SH3KBP1: variants seen among roughly 807,000 people sequenced by gnomAD.
The protein encoded by SH3KBP1 is SH3 domain-containing kinase-binding protein 1.
In SH3KBP1, 8 loss-of-function variants were observed where a neutral mutation model predicts 50.1. The observed-to-expected ratio is 0.16, with a 90% CI of 0.09 to 0.29. The LOEUF is 0.29. Among genes scored for constraint, SH3KBP1 ranks in the 10% least tolerant of loss-of-function variants. The pLI, the probability that SH3KBP1 is intolerant of heterozygous loss-of-function variation, is 1.00. For synonymous variants in SH3KBP1, 227 were observed against 218.6 expected (o/e 1.04, Z -0.34); for missense variants, 377 against 535.2 (o/e 0.70, Z 2.92).
intron 6 of SH3KBP1, among the ~76,000 whole-genome samples, chrX:19,647,592 A>C (rs73459648): frequency 0.026 from 2,905 of 111,578 alleles, 95 homozygotes; most frequent in African/African-American, 0.089. Context: ...GTGATGGTGA[A>C]GCTGGTATTA....
chrX:19,818,074 T>C (rs1603262657), intron 2 of SH3KBP1, among the ~76,000 whole-genome samples: 1 of 112,330 alleles, frequency 8.9e-6, no homozygotes, highest in Middle Eastern at 4.6e-3. Context: ...ATCACCTACG[T>C]TTGTATAAGT....
chrX:19,718,139 TACACACACACACAC>T (rs35514461), intron 3 of SH3KBP1, among the ~76,000 whole-genome samples: 6 of 91,093 alleles, frequency 6.6e-5, no homozygotes, highest in Admixed American at 1.2e-4. Flanking sequence ...ATTTTATAAA[TACACACACACACAC>T]ACACACACAC....
intron 1 of SH3KBP1, among the ~76,000 whole-genome samples, chrX:19,856,021 T>C (rs1468340828): frequency 9.0e-6 from 1 of 111,216 alleles, no homozygotes; most frequent in Non-Finnish European, 1.9e-5. Flanking sequence ...TTAGGGTTTC[T>C]GCAGATAGAA....
chrX:19,601,834 C>T (rs1239827971), intron 9 of SH3KBP1, among the ~76,000 whole-genome samples: 1 of 111,123 alleles, frequency 9.0e-6, no homozygotes, highest in Non-Finnish European at 1.9e-5. Flanking sequence ...CCTCTGTACC[C>T]TATAGAGTCC....
intron 3 of SH3KBP1, among the ~76,000 whole-genome samples, chrX:19,742,352 C>T (rs940929300): frequency 1.2e-4 from 13 of 110,972 alleles, no homozygotes; most frequent in Non-Finnish European, 9.4e-5. Context: ...CCTCTCACCT[C>T]AGCCTTCCAG....
At position 19,588,650 on chromosome X, in the gene SH3KBP1, G is replaced by T. The variant is rs374793970; in HGVS notation, c.1291C>A (p.His431Asn). ...RPERPVGPLT[H>N]TRGDSPKIDL... The stretch of plus-strand genomic sequence containing the variant: ...GTGAGAGCACAGCAGTACCTGGTGT[G>T]TGTCAGCGGACCCACCGGTCTCTCC... The change falls in exon 12 of 18, where the codon CAC (histidine) becomes AAC (asparagine). Residue 431 changes from histidine (H) to asparagine (N), a missense_variant. Around this residue, in one of 3 missense-constraint regions of SH3KBP1, gnomAD observed 257 missense variants for 374.2 expected, o/e 0.69. Coordinates refer to ENST00000397821, the MANE Select transcript of SH3KBP1 (RefSeq NM_031892.3). 6 of 1,207,650 alleles carry T rather than the reference G, an allele frequency of 5.0e-6. No individual in the cohort carries two copies. Among genetic ancestry groups the T allele is most frequent in the South Asian group, 1.8e-5 (1 of 56,138 alleles).
intron 2 of SH3KBP1, among the ~76,000 whole-genome samples, chrX:19,806,464 C>G (rs1383974346): frequency 2.7e-5 from 3 of 111,269 alleles, no homozygotes; most frequent in Non-Finnish European, 5.7e-5. Flanking sequence ...TGCACTGAGC[C>G]GAGTTCGCGC....
intron 8 of SH3KBP1, among the ~76,000 whole-genome samples, chrX:19,608,761 G>C (rs775390974): frequency 8.9e-6 from 1 of 112,269 alleles, no homozygotes; most frequent in African/African-American, 3.2e-5. Flanking sequence ...ATTGAAAAAA[G>C]GTTTTGTGAC....
intron 6 of SH3KBP1, among the ~76,000 whole-genome samples, chrX:19,652,201 C>T (rs981796360): frequency 9.0e-6 from 1 of 111,639 alleles, no homozygotes; most frequent in Non-Finnish European, 1.9e-5. Flanking sequence ...GGTGACAGCA[C>T]ATTTGTCTGG....
chrX:19,590,647 CTT>C (rs767767612), intron 11 of SH3KBP1, among the ~76,000 whole-genome samples: 7 of 96,197 alleles, frequency 7.3e-5, no homozygotes, highest in Admixed American at 2.3e-4. Context: ...ACATCACACA[CTT>C]TTTTTTTTTT....
intron 6 of SH3KBP1, among the ~76,000 whole-genome samples, chrX:19,682,333 T>TAC (rs59044973): frequency 0.12 from 8,838 of 75,716 alleles, 415 homozygotes; most frequent in African/African-American, 0.13. Context: ...ATAAGAGTCA[T>TAC]ACACACACAC....
At position 19,803,124 on chromosome X, in the gene SH3KBP1, G is replaced by A. The variant is rs1361535994; in HGVS notation, c.162+33001C>T. Among the ~76,000 whole-genome samples the A allele has an allele frequency of 2.7e-5, 3 of 111,866 alleles. No homozygotes were observed. In the Admixed American group the frequency reaches 2.8e-4, roughly 11 times the overall value. On this transcript the variant is annotated intron_variant, in intron 2 of 17. Transcript: ENST00000397821. The stretch of plus-strand genomic sequence containing the variant: ...ATCACACTTAGCGCTCTGCTTCTCG[G>A]CTCCAACCCTCCCTGACACAGAAGT...
chrX:19,860,519 T>G (rs1397069379), intron 1 of SH3KBP1, among the ~76,000 whole-genome samples: 1 of 111,420 alleles, frequency 9.0e-6, no homozygotes, highest in Non-Finnish European at 1.9e-5. Context: ...TTTAAGATGA[T>G]GAAAAAGTTC....
chrX:19,554,295 A>G lies in SH3KBP1; in HGVS notation c.1385-4212T>C, dbSNP rs776916972. Among the ~76,000 whole-genome samples, 371 of 89,086 alleles carry G rather than the reference A, an allele frequency of 4.2e-3. 3 individuals carry two copies. The highest frequency in any genetic ancestry group is 6.3e-3 in the Non-Finnish European group (307 of 48,473). 77.4% of individuals were successfully genotyped at this position (89,086 alleles called of 115,157 possible). ...AATATATATCATATTAAAATATATT[A>G]TATATCATATTAAAATATACATCAT... On this transcript the variant is annotated intron_variant, in intron 13 of 17. Transcript: ENST00000397821.
At chrX:19,708,086 A>C (rs751852930) in intron 3 of SH3KBP1, among the ~76,000 whole-genome samples, 2 of 113,024 alleles carry the variant, frequency 1.8e-5, no homozygotes, top group East Asian at 5.6e-4. Context: ...TTTCTTCTCT[A>C]ATCTTTTCTC....
In SH3KBP1 at chrX:19,737,672, T is replaced by C. The variant is rs192770521; in HGVS notation, c.286+8646A>G. On this transcript the variant is annotated intron_variant, in intron 3 of 17. Coordinates refer to ENST00000397821, the MANE Select transcript of SH3KBP1 (RefSeq NM_031892.3). The stretch of plus-strand genomic sequence containing the variant: ...TCTGGAATCGCAGGTTCCATCGTGA[T>C]CCAAGTCCCAGGTAGACCTGAACAC... Among the ~76,000 whole-genome samples the C allele has an allele frequency of 8.0e-5, 9 of 111,897 alleles. No individual in the cohort carries two copies. The East Asian group carries it at 2.5e-3, about 32-fold the overall frequency.
chrX:19,815,830 G>A (rs1372003402), intron 2 of SH3KBP1, among the ~76,000 whole-genome samples: 1 of 112,113 alleles, frequency 8.9e-6, no homozygotes, highest in Non-Finnish European at 1.9e-5. Context: ...GTGTGTATCC[G>A]AGTTCATTCT....
At chrX:19,607,117 T>C (rs1458328545) in intron 9 of SH3KBP1, among the ~76,000 whole-genome samples, 1 of 112,439 alleles carries the variant, frequency 8.9e-6, no homozygotes, top group Non-Finnish European at 1.9e-5. Context: ...ACTGTAGCTA[T>C]CCTTCCCACA....
At chrX:19,554,257 T>TATCATATTAAAA (rs1384359062) in intron 13 of SH3KBP1, among the ~76,000 whole-genome samples, 2 of 83,473 alleles carry the variant, frequency 2.4e-5, no homozygotes, top group African/African-American at 4.8e-5. Context: ...TTAAAATATA[T>TATCATATTAAAA]TATATATATT....
Sources: gnomAD v4.1 joint callset for allele counts (sites outside exome capture counted in the v4.1 genomes callset) on GRCh38, gnomAD v4.1.1 for gene constraint, gnomAD v4.1.1 regional missense constraint, MANE v1.5 for transcripts, NCBI Gene and HGNC (gene_info 2026-07-23, HGNC 2026-07-21) for gene names.